SEPTIN9: variants seen among roughly 807,000 people sequenced by gnomAD.
The protein encoded by SEPTIN9 is septin-9.
In SEPTIN9, 13 loss-of-function variants were observed where a neutral mutation model predicts 56.6. That is an observed-to-expected ratio of 0.23 (90% CI 0.15 to 0.37). SEPTIN9 has a LOEUF of 0.37. SEPTIN9 is among the 10% of genes least tolerant of loss of function. SEPTIN9 has a pLI of 1.00. For synonymous variants in SEPTIN9, 332 were observed against 334.1 expected (o/e 0.99, Z 0.07); for missense variants, 650 against 823.1 (o/e 0.79, Z 2.57).
At chr17:77,420,932 T>G (rs2036679665) in intron 3 of SEPTIN9, among the ~76,000 whole-genome samples, 1 of 152,202 alleles carries the variant, frequency 6.6e-6, no homozygotes, top group African/African-American at 2.4e-5. Flanking sequence ...ATTTTCCAGA[T>G]TAGGAAATCA....
rs1468331895 is a variant in SEPTIN9 at position 77,371,764 on chromosome 17, G to A, written c.77-30295G>A. On this transcript the variant is annotated intron_variant, in intron 2 of 11. Transcript: ENST00000427177. This position sits in a 1 kb window ranked among gnomAD's most constrained non-coding sequence, Gnocchi z 4.1. ...CTCCCAGGCCGACGAGGGTGTGCAC[G>A]CATCTGAAATGTCTGTGGTTTTGCA... Among the ~76,000 whole-genome samples, 5 of 152,210 alleles carry A rather than the reference G, an allele frequency of 3.3e-5. No homozygotes were observed. The highest frequency in any genetic ancestry group is 6.5e-5 in the Admixed American group (1 of 15,288).
chr17:77,386,925 A>G (rs922465396), intron 2 of SEPTIN9, among the ~76,000 whole-genome samples: 1 of 152,258 alleles, frequency 6.6e-6, no homozygotes, highest in African/African-American at 2.4e-5. Context: ...TCAGAGGCCC[A>G]GAGGACTCAT....
At chr17:77,360,847 C>T (rs571665608) in intron 2 of SEPTIN9, among the ~76,000 whole-genome samples, 6 of 151,286 alleles carry the variant, frequency 4.0e-5, no homozygotes, top group Non-Finnish European at 7.4e-5. Context: ...TATGCCACTG[C>T]GCCCGGCCTA....
chr17:77,392,485 C>A (rs2035576100), intron 2 of SEPTIN9, among the ~76,000 whole-genome samples: 1 of 152,184 alleles, frequency 6.6e-6, no homozygotes, highest in South Asian at 2.1e-4. Context: ...ACCCCAGGTC[C>A]CAGACCTCAG....
At chr17:77,432,271 G>A (rs1355923882) in intron 3 of SEPTIN9, among the ~76,000 whole-genome samples, 1 of 152,206 alleles carries the variant, frequency 6.6e-6, no homozygotes, top group Admixed American at 6.5e-5. Context: ...TGTTCATAGA[G>A]CAAAGTGCTT....
At position 77,402,444 on chromosome 17, in the gene SEPTIN9, C is replaced by T. The variant is rs747374352; in HGVS notation, c.462C>T (p.Ile154=). ...CCCCTCGGAGGACGGAGATCACCAT[C>T]GTCAAACCCCAGGAGTCAGCCCACC... The part of the protein sequence containing the change: ...EPAPRRTEIT[I]VKPQESAHRR... Residue 154 remains isoleucine, a synonymous_variant, in exon 3 of 12, where the codon ATC becomes ATT. Coordinates refer to ENST00000427177, the MANE Select transcript of SEPTIN9 (RefSeq NM_001113491.2). The surrounding 1 kb of genome is among the most constrained non-coding windows in gnomAD (Gnocchi z 6.6). The T allele has an allele frequency of 5.6e-6, 9 of 1,610,130 alleles. No individual in the cohort carries two copies. In the Admixed American group the frequency reaches 6.7e-5, roughly 12 times the overall value.
At chr17:77,336,877 A>T (rs1253617772) in intron 2 of SEPTIN9, among the ~76,000 whole-genome samples, 1 of 151,952 alleles carries the variant, frequency 6.6e-6, no homozygotes, top group Admixed American at 6.6e-5. Flanking sequence ...ATTTGCTGAA[A>T]TTTTTTAACA....
chr17:77,358,519 G>C (rs1205632299), intron 2 of SEPTIN9, among the ~76,000 whole-genome samples: 1 of 152,034 alleles, frequency 6.6e-6, no homozygotes, highest in Admixed American at 6.6e-5. Context: ...TACTCAAGGA[G>C]AACCCAGCTA....
intron 3 of SEPTIN9, among the ~76,000 whole-genome samples, chr17:77,416,245 T>C (rs1469647843): frequency 6.6e-6 from 1 of 152,116 alleles, no homozygotes. Context: ...GGCTGGTGAA[T>C]TTGGCTTTGG....
chr17:77,395,302 C>T (rs530024452), intron 2 of SEPTIN9, among the ~76,000 whole-genome samples: 6 of 152,026 alleles, frequency 3.9e-5, no homozygotes, highest in South Asian at 2.1e-4. Context: ...CCGAGGCAGG[C>T]GGATCATGAG....
At chr17:77,344,427 G>C (rs889427241) in intron 2 of SEPTIN9, among the ~76,000 whole-genome samples, 32 of 152,236 alleles carry the variant, frequency 2.1e-4, no homozygotes, top group Non-Finnish European at 3.2e-4. Flanking sequence ...AAATGGTGCA[G>C]CTGCTGTGGA....
intron 1 of SEPTIN9, among the ~76,000 whole-genome samples, chr17:77,286,908 T>C (rs1393864892): frequency 6.6e-6 from 1 of 152,166 alleles, no homozygotes; most frequent in African/African-American, 2.4e-5. Flanking sequence ...AGGCGGGAAG[T>C]GACGCGCTGG....
Position 77,476,036 on chromosome 17 carries a change from C to A in SEPTIN9, c.722-6108C>A. 1 of 966,586 alleles carries A rather than the reference C, an allele frequency of 1.0e-6. No homozygotes were observed. The highest frequency in any genetic ancestry group is 1.6e-6 in the Non-Finnish European group (1 of 643,574). The allele number at this position is 966,586 out of a possible 1,614,324, so 59.9% of individuals were successfully genotyped here. ...GGGGTGCAGGCCCGGCTGTCACTCC[C>A]CTGGAGCTGGGAATGGCATTGGGCG... On this transcript the variant is annotated intron_variant, in intron 3 of 11. Coordinates refer to ENST00000427177, the MANE Select transcript of SEPTIN9 (RefSeq NM_001113491.2). The surrounding 1 kb of genome is among the most constrained non-coding windows in gnomAD (Gnocchi z 6.0).
chr17:77,482,683 T>C (rs1598445618), intron 4 of SEPTIN9: 1 of 599,590 alleles, frequency 1.7e-6, no homozygotes, highest in Non-Finnish European at 3.0e-6. Flanking sequence ...TCACTGTTGC[T>C]CCAGCCTGGC....
intron 2 of SEPTIN9, among the ~76,000 whole-genome samples, chr17:77,397,389 G>C (rs988652354): frequency 2.0e-5 from 3 of 152,118 alleles, no homozygotes; most frequent in Admixed American, 6.6e-5. Flanking sequence ...CCGAGCACTG[G>C]ATTTAGAGCC....
chr17:77,332,951 T>C (rs1175316371), intron 2 of SEPTIN9, among the ~76,000 whole-genome samples: 2 of 152,256 alleles, frequency 1.3e-5, no homozygotes, highest in African/African-American at 4.8e-5. Context: ...CAAGTTTTTC[T>C]GTGCATATGG....
At chr17:77,289,384 A>G (rs2031428991) in intron 1 of SEPTIN9, among the ~76,000 whole-genome samples, 1 of 144,974 alleles carries the variant, frequency 6.9e-6, no homozygotes, top group African/African-American at 2.6e-5. Flanking sequence ...GGCATGAGCT[A>G]CCGCGCCCAG....
chr17:77,320,093 C>T, intron 2 of SEPTIN9: 1 of 1,440,238 alleles, frequency 6.9e-7, no homozygotes, highest in Non-Finnish European at 9.1e-7. Context: ...TTTGAAGAGA[C>T]AATGCTACTT....
intron 3 of SEPTIN9, chr17:77,454,441 C>A: frequency 1.1e-6 from 1 of 895,556 alleles, no homozygotes; most frequent in African/African-American, 1.8e-5. Flanking sequence ...CGGCCATGCC[C>A]AGTCCGCTGT....
Sources: allele counts gnomAD v4.1 joint callset (sites outside exome capture counted in the v4.1 genomes callset), GRCh38; gene constraint gnomAD v4.1.1; non-coding constraint Gnocchi (gnomAD v3.1); transcripts MANE v1.5; gene names NCBI Gene and HGNC (gene_info 2026-07-23, HGNC 2026-07-21).